LPP: variants seen among roughly 807,000 people sequenced by gnomAD.
The protein encoded by LPP is lipoma-preferred partner.
Under a neutral mutation model 60.4 loss-of-function variants are expected in LPP, and 38 were observed. That is an observed-to-expected ratio of 0.63 (90% CI 0.49 to 0.83). The LOEUF (loss-of-function observed/expected upper bound fraction) is 0.83. Ranked by LOEUF, LPP falls within the 40% of genes least tolerant of loss-of-function variation. The pLI is 0.00. For synonymous variants in LPP, 328 were observed against 290.8 expected (o/e 1.13, Z -1.30); for missense variants, 902 against 783.6 (o/e 1.15, Z -1.80).
chr3:188,708,753 A>G (rs1577129851), intron 8 of LPP: 9 of 322,708 alleles, frequency 2.8e-5, no homozygotes, highest in Non-Finnish European at 5.2e-5. Flanking sequence ...AGCTACTCAG[A>G]AGGCTGAGGC....
chr3:188,827,237 T>C (rs1205287411), intron 9 of LPP, among the ~76,000 whole-genome samples: 1 of 152,164 alleles, frequency 6.6e-6, no homozygotes, highest in Non-Finnish European at 1.5e-5. Context: ...GAGTGATTAA[T>C]AGACCTAGGA....
chr3:188,329,745 T>C (rs1236332869), intron 2 of LPP, among the ~76,000 whole-genome samples: 1 of 152,202 alleles, frequency 6.6e-6, no homozygotes. Context: ...AAACAAAACA[T>C]GTGTTGTATT....
At chr3:188,226,200 G>T (rs1717690024) in intron 2 of LPP, among the ~76,000 whole-genome samples, 2 of 152,002 alleles carry the variant, frequency 1.3e-5, no homozygotes, top group Admixed American at 1.3e-4. Flanking sequence ...GTAGAGATGG[G>T]GTTTCACCAT....
At chr3:188,299,977 C>A (rs1182815165) in intron 2 of LPP, among the ~76,000 whole-genome samples, 5 of 152,186 alleles carry the variant, frequency 3.3e-5, no homozygotes, top group Non-Finnish European at 5.9e-5. Flanking sequence ...AAAATACCTT[C>A]CTATTTGTAA....
intron 3 of LPP, among the ~76,000 whole-genome samples, chr3:188,404,849 C>G (rs534971456): frequency 2.6e-5 from 4 of 152,294 alleles, no homozygotes; most frequent in African/African-American, 9.6e-5. Flanking sequence ...CCGGGCGTCC[C>G]TGTGCTGGAG....
intron 7 of LPP, among the ~76,000 whole-genome samples, chr3:188,687,683 A>C (rs1861090941): frequency 6.6e-6 from 1 of 152,094 alleles, no homozygotes; most frequent in South Asian, 2.1e-4. Flanking sequence ...GGAGTAATTC[A>C]ATGACCCTTT....
At chr3:188,772,780 T>C (rs997293773) in intron 9 of LPP, among the ~76,000 whole-genome samples, 3 of 152,120 alleles carry the variant, frequency 2.0e-5, no homozygotes, top group African/African-American at 7.2e-5. Context: ...CTTATCATAA[T>C]AGGTGAACCT....
intron 7 of LPP, chr3:188,688,888 T>A (rs1861481954): frequency 1.9e-6 from 1 of 516,230 alleles, no homozygotes; most frequent in South Asian, 1.5e-5. Context: ...GAAAAAGAGC[T>A]TAAATTTCAG....
chr3:188,545,927 G>T (rs773100797), intron 6 of LPP, among the ~76,000 whole-genome samples: 17 of 152,150 alleles, frequency 1.1e-4, no homozygotes, highest in Admixed American at 7.9e-4. Context: ...AAGAGACACT[G>T]TCGTGACCAT....
intron 6 of LPP, among the ~76,000 whole-genome samples, chr3:188,555,884 A>T (rs1829346199): frequency 6.6e-6 from 1 of 152,102 alleles, no homozygotes; most frequent in Non-Finnish European, 1.5e-5. Flanking sequence ...TTGAGCCTGG[A>T]TCATATCACC....
rs536859665 is a variant in LPP, at chr3:188,402,961, A to G, written c.-9-3151A>G. ...TGAAGAGAGGGAAACGGCATTGTTG[A>G]TGGTGAACACAGCATGAGCAAGGGT... On this transcript the variant is annotated intron_variant, in intron 3 of 11. Coordinates refer to ENST00000617246, the MANE Select transcript of LPP (RefSeq NM_001375462.1). Among the ~76,000 whole-genome samples the G allele has an allele frequency of 3.9e-5, 6 of 152,322 alleles. No individual in the cohort carries two copies. In the South Asian group the frequency reaches 1.2e-3, roughly 32 times the overall value.
In LPP at chr3:188,330,782, T is replaced by G. The variant is rs554764838; in HGVS notation, c.-66-10881T>G. On this transcript the variant is annotated intron_variant, in intron 2 of 11. Coordinates refer to ENST00000617246, the MANE Select transcript of LPP (RefSeq NM_001375462.1). ...AGTGAGCCGAGATCGTGCTATTACA[T>G]TACAGCCTGGGCAACAGAGGGAGAT... Among the ~76,000 whole-genome samples, 8 of 152,144 alleles carry G rather than the reference T, an allele frequency of 5.3e-5. No individual in the cohort carries two copies. The South Asian group carries it at 1.7e-3, about 32-fold the overall frequency.
At chr3:188,240,663 A>C (rs529031525) in intron 2 of LPP, among the ~76,000 whole-genome samples, 1 of 151,900 alleles carries the variant, frequency 6.6e-6, no homozygotes, top group Admixed American at 6.5e-5. Flanking sequence ...TAACTATCCA[A>C]TCATGTCAAC....
At chr3:188,238,449 A>G (rs1350369564) in intron 2 of LPP, among the ~76,000 whole-genome samples, 2 of 151,866 alleles carry the variant, frequency 1.3e-5, no homozygotes, top group Non-Finnish European at 2.9e-5. Flanking sequence ...TTGGCTTTTG[A>G]CATGCCTTCC....
intron 6 of LPP, among the ~76,000 whole-genome samples, chr3:188,589,327 A>G (rs922336295): frequency 2.6e-5 from 4 of 152,106 alleles, no homozygotes; most frequent in Non-Finnish European, 4.4e-5. Flanking sequence ...TTTCTTCCCT[A>G]ATTTAGATCT....
chr3:188,361,524 C>G (rs1042663943), intron 3 of LPP, among the ~76,000 whole-genome samples: 3 of 127,212 alleles, frequency 2.4e-5, no homozygotes, highest in Non-Finnish European at 3.3e-5. Context: ...CTCCTCTCCT[C>G]TCCTCTCCTC....
intron 8 of LPP, among the ~76,000 whole-genome samples, chr3:188,753,994 T>G (rs1729227217): frequency 6.6e-6 from 1 of 152,188 alleles, no homozygotes. Context: ...TAAATGGCAA[T>G]AACCATAGGA....
At chr3:188,332,453 C>T (rs964537146) in intron 2 of LPP, among the ~76,000 whole-genome samples, 2 of 152,164 alleles carry the variant, frequency 1.3e-5, no homozygotes, top group Admixed American at 1.3e-4. Flanking sequence ...TTACTAATCC[C>T]ATCTTATATC....
At chr3:188,403,446 C>G (rs1030975199) in intron 3 of LPP, among the ~76,000 whole-genome samples, 6 of 152,122 alleles carry the variant, frequency 3.9e-5, no homozygotes, top group African/African-American at 1.4e-4. Context: ...TAGTATTAAG[C>G]CATTTTAAAA....
Sources: allele counts gnomAD v4.1 joint callset (sites outside exome capture counted in the v4.1 genomes callset), GRCh38; gene constraint gnomAD v4.1.1; transcripts MANE v1.5; gene names NCBI Gene and HGNC (gene_info 2026-07-23, HGNC 2026-07-21).